The following CSMD3 variants were observed in gnomAD, a reference collection of about 807,000 sequenced individuals.
CSMD3 encodes the protein CUB and sushi domain-containing protein 3.
Under a neutral mutation model 435.2 loss-of-function variants are expected in CSMD3, and 177 were observed. The observed-to-expected ratio is 0.41, with a 90% CI of 0.36 to 0.46. The LOEUF is 0.46. CSMD3 is among the 20% of genes least tolerant of loss of function. The pLI is 0.34. For missense variants in CSMD3, 4,265 were observed against 4,504.6 expected (o/e 0.95, Z 1.52); for synonymous variants, 1,656 against 1,520.5 (o/e 1.09, Z -2.07).
chr8:112,351,739 C>A (rs1826156521), intron 39 of CSMD3, among the ~76,000 whole-genome samples: 1 of 151,764 alleles, frequency 6.6e-6, no homozygotes, highest in Non-Finnish European at 1.5e-5. Context: ...TTTTGTGATA[C>A]AACTTTAAAG....
intron 53 of CSMD3, among the ~76,000 whole-genome samples, chr8:112,296,601 A>G (rs1409591487): frequency 6.6e-6 from 1 of 151,858 alleles, no homozygotes; most frequent in Non-Finnish European, 1.5e-5. Flanking sequence ...CAAAATTTAG[A>G]GGTACAGATA....
intron 10 of CSMD3, among the ~76,000 whole-genome samples, chr8:112,883,511 C>G (rs2081505132): frequency 6.6e-6 from 1 of 151,820 alleles, no homozygotes; most frequent in Admixed American, 6.6e-5. Context: ...AATCACTTAC[C>G]AACTTATTAA....
chr8:113,120,928 T>G (rs962843056), intron 4 of CSMD3, among the ~76,000 whole-genome samples: 7 of 152,128 alleles, frequency 4.6e-5, no homozygotes, highest in Non-Finnish European at 1.0e-4. Context: ...ACACCCACAT[T>G]TACACGCAGG....
chr8:112,318,864 T>C lies in CSMD3; in HGVS notation c.7333A>G (p.Met2445Val), dbSNP rs1339120157. 6.2e-7 allele frequency: 1 copy of C among 1,612,242 alleles called. No individual in the cohort carries two copies. Among genetic ancestry groups the C allele is most frequent in the African/African-American group, 1.3e-5 (1 of 74,966 alleles). ...TGACAAACTGGAGGTGCTCCATCCA[T>C]CTGCAGTCGTTCTCCTAATCTGCAC... is the stretch of plus-strand genomic sequence containing the variant. ...LTCRLGERLQMDGAPPVCQVL... is the reference protein window; with the variant it reads ...LTCRLGERLQVDGAPPVCQVL... The change falls in exon 47 of 71, where the codon ATG becomes GTG. Residue 2445 changes from methionine (M) to valine (V), a missense_variant. Physicochemically the swap from Met to Val is conservative, Grantham distance 21 (BLOSUM62 1). Coordinates refer to ENST00000297405, the MANE Select transcript of CSMD3 (RefSeq NM_198123.2).
chr8:112,553,047 G>T (rs1827824539), intron 25 of CSMD3, among the ~76,000 whole-genome samples: 1 of 152,070 alleles, frequency 6.6e-6, no homozygotes, highest in South Asian at 2.1e-4. Flanking sequence ...GAAACAGATG[G>T]CAAGTTGCTC....
intron 10 of CSMD3, among the ~76,000 whole-genome samples, chr8:112,898,495 T>C (rs975450266): frequency 6.6e-6 from 1 of 151,274 alleles, no homozygotes; most frequent in African/African-American, 2.4e-5. Context: ...ATGGACGCTA[T>C]ATTTAACTTC....
intron 7 of CSMD3, among the ~76,000 whole-genome samples, chr8:112,957,955 G>A (rs1424373080): frequency 6.6e-6 from 1 of 152,198 alleles, no homozygotes; most frequent in Non-Finnish European, 1.5e-5. Flanking sequence ...ATGTTGGCCA[G>A]GCTGGTCTCG....
Position 113,318,438 on chromosome 8 carries a change from T to A in CSMD3, c.179-3645A>T, listed in dbSNP as rs143801520. 4.8e-4 allele frequency among the ~76,000 whole-genome samples: 73 copies of A among 152,148 alleles called. 1 individual carries two copies. The highest frequency in any genetic ancestry group is 1.7e-3 in the African/African-American group (71 of 41,546). On this transcript the variant is annotated intron_variant, in intron 1 of 70. Coordinates refer to ENST00000297405, the MANE Select transcript of CSMD3 (RefSeq NM_198123.2). Reference sequence around the variant, plus strand: ...TAGTTACTTTTTTGTTTGACAAGAGTAGCTAAAATATACTTATTTAACAAA... The same window carrying A: ...TAGTTACTTTTTTGTTTGACAAGAGAAGCTAAAATATACTTATTTAACAAA...
chr8:112,408,533 T>C, intron 33 of CSMD3, 120 bp from the exon 34 acceptor site: 2 of 758,064 alleles, frequency 2.6e-6, no homozygotes, highest in Non-Finnish European at 4.6e-6. Flanking sequence ...ATCAAATTAC[T>C]TTAAAATATC....
intron 2 of CSMD3, among the ~76,000 whole-genome samples, chr8:113,305,016 T>C (rs1241414909): frequency 2.8e-4 from 40 of 142,734 alleles, no homozygotes; most frequent in South Asian, 9.3e-4. Context: ...ATGGATGAAA[T>C]TGGAAATCAT....
chr8:112,497,945 A>G (rs1821535580), intron 30 of CSMD3, among the ~76,000 whole-genome samples: 1 of 152,134 alleles, frequency 6.6e-6, no homozygotes, highest in African/African-American at 2.4e-5. Context: ...TATTGTAAAG[A>G]AATATCATCT....
At chr8:113,186,081 A>T (rs2092496396) in intron 3 of CSMD3, among the ~76,000 whole-genome samples, 1 of 152,006 alleles carries the variant, frequency 6.6e-6, no homozygotes, top group Admixed American at 6.6e-5. Flanking sequence ...TCATGGACCA[A>T]ATTAGCCCTC....
At chr8:113,325,121 T>C (rs2093975031) in intron 1 of CSMD3, among the ~76,000 whole-genome samples, 1 of 152,226 alleles carries the variant, frequency 6.6e-6, no homozygotes, top group African/African-American at 2.4e-5. Flanking sequence ...TTGCCTTGTG[T>C]CAGATGAGAC....
intron 59 of CSMD3, among the ~76,000 whole-genome samples, chr8:112,279,005 C>T (rs968853615): frequency 7.1e-6 from 1 of 140,682 alleles, no homozygotes; most frequent in African/African-American, 2.7e-5. Flanking sequence ...TGTAACTCCA[C>T]CCCCAAAAAA....
chr8:112,301,582 C>T (rs1240798552), intron 53 of CSMD3, among the ~76,000 whole-genome samples: 1 of 152,098 alleles, frequency 6.6e-6, no homozygotes, highest in East Asian at 1.9e-4. Flanking sequence ...GAAAATGTGT[C>T]TCTCCTTAGA....
chr8:112,408,856 C>A, intron 33 of CSMD3, 63 bp downstream of exon 33: 1 of 1,611,208 alleles, frequency 6.2e-7, no homozygotes, highest in South Asian at 1.1e-5. Flanking sequence ...ACTTTCACTA[C>A]AATACTAATC....
intron 6 of CSMD3, among the ~76,000 whole-genome samples, chr8:113,018,295 C>T (rs2086548031): frequency 6.6e-6 from 1 of 151,604 alleles, no homozygotes; most frequent in Admixed American, 6.6e-5. Context: ...ATATAAGCTT[C>T]CTAAAGTCAT....
chr8:113,270,838 G>C (rs1434887063), intron 3 of CSMD3, among the ~76,000 whole-genome samples: 1 of 151,940 alleles, frequency 6.6e-6, no homozygotes, highest in African/African-American at 2.4e-5. Flanking sequence ...GGTGGGAGGA[G>C]GGGGGAGGGA....
chr8:112,695,339 A>T (rs945372577), intron 13 of CSMD3, among the ~76,000 whole-genome samples: 1 of 152,200 alleles, frequency 6.6e-6, no homozygotes, highest in African/African-American at 2.4e-5. Flanking sequence ...AACTTTTATT[A>T]TACTGTCAAT....
Sources: allele counts gnomAD v4.1 joint callset (sites outside exome capture counted in the v4.1 genomes callset), GRCh38; gene constraint gnomAD v4.1.1; transcripts MANE v1.5; gene names NCBI Gene and HGNC (gene_info 2026-07-23, HGNC 2026-07-21).